Variants in ARHGAP29 observed in about 807,000 individuals in gnomAD.
The protein encoded by ARHGAP29 is rho GTPase-activating protein 29.
A neutral mutation model predicts 122.6 loss-of-function variants in ARHGAP29; 43 were observed. The observed-to-expected ratio is 0.35, with a 90% CI of 0.27 to 0.45. ARHGAP29 has a LOEUF of 0.45. Ranked by LOEUF, ARHGAP29 falls within the 20% of genes least tolerant of loss-of-function variation. The pLI, the probability that ARHGAP29 is intolerant of heterozygous loss-of-function variation, is 1.00. For missense variants in ARHGAP29, 1,303 were observed against 1,477.2 expected, an observed-to-expected ratio of 0.88 and a Z score of 1.93; for synonymous variants, 506 against 497.1, an observed-to-expected ratio of 1.02 and a Z score of -0.24.
chr1:94,209,342 A>C lies in ARHGAP29; in HGVS notation c.349T>G (p.Phe117Val). ...TTGTTTTCTTCATTAACTTCTGTGA[A>C]GTTCACAGCTGTAAGGAAAAGTTGG... ...MLTAKVKAVNFTEVNEENKND... is the reference protein window; with the variant it reads ...MLTAKVKAVNVTEVNEENKND... The change falls in exon 4 of 23, where the codon TTC becomes GTC. Residue 117 changes from phenylalanine (F) to valine (V), a missense_variant. Coordinates refer to ENST00000260526, the MANE Select transcript of ARHGAP29 (RefSeq NM_004815.4). 2 of 1,602,456 alleles carry C rather than the reference A, an allele frequency of 1.2e-6. No homozygotes were observed. Among genetic ancestry groups the C allele is most frequent in the Non-Finnish European group, 1.7e-6 (2 of 1,176,362 alleles).
intron 16 of ARHGAP29, among the ~76,000 whole-genome samples, chr1:94,186,091 A>C (rs541163762): frequency 1.0e-3 from 156 of 152,322 alleles, no homozygotes; most frequent in African/African-American, 3.7e-3. Flanking sequence ...TTCAACATCC[A>C]CAACTTCCTT....
rs775058104 is a variant in ARHGAP29, at chr1:94,184,190, T to C, written c.2208A>G (p.Ser736=). The change falls in exon 19 of 23, where the codon TCA becomes TCG. Residue 736 remains serine (S), a synonymous_variant. Transcript: ENST00000260526. ...ATTTCAAGACGTCACAGATATCATG[T>C]GAACTAAATTCTGAAATATCTACCA... ...MHLVDISEFS[S]HDICDVLKLY... 2 of 1,610,226 alleles carry C rather than the reference T, an allele frequency of 1.2e-6. No individual in the cohort carries two copies. Among genetic ancestry groups the C allele is most frequent in the South Asian group, 1.1e-5 (1 of 89,694 alleles).
In ARHGAP29 at chr1:94,194,115, T is replaced by G. The variant is rs1464973312; in HGVS notation, c.1282-4032A>C. 3 of 152,326 alleles carry G rather than the reference T, an allele frequency of 2.0e-5. No homozygotes were observed. In the East Asian group the frequency reaches 5.8e-4, roughly 29 times the overall value. 9.4% of individuals were successfully genotyped at this position (152,326 alleles called of 1,614,324 possible). On this transcript the variant is annotated intron_variant, in intron 12 of 22. Coordinates refer to ENST00000260526, the MANE Select transcript of ARHGAP29 (RefSeq NM_004815.4). The stretch of plus-strand genomic sequence containing the variant: ...GTGTATGTATAAATATAGATAAGTG[T>G]GCAACCATTTTTTTTAAACTTGGCT...
At chr1:94,305,807 T>C in the ARHGAP29 span, among the ~76,000 whole-genome samples, 1 of 152,232 alleles carries the variant, frequency 6.6e-6, no homozygotes, top group Admixed American at 6.5e-5. Flanking sequence ...AATACATTGA[T>C]GGTTCAAGTT....
chr1:94,260,521 A>G (rs186100986), intron 1 of ARHGAP29, among the ~76,000 whole-genome samples: 1 of 152,294 alleles, frequency 6.6e-6, no homozygotes, highest in East Asian at 1.9e-4. Flanking sequence ...TCAGTGTTCT[A>G]TGGAGTAATC....
At chr1:94,204,350 A>T (rs1025858647) in intron 7 of ARHGAP29, among the ~76,000 whole-genome samples, 8 of 151,814 alleles carry the variant, frequency 5.3e-5, no homozygotes, top group Admixed American at 2.6e-4. Context: ...CAACTGGGAA[A>T]CTCTTTCAGA....
intron 1 of ARHGAP29, among the ~76,000 whole-genome samples, chr1:94,234,000 CT>C (rs1277967538): frequency 6.6e-6 from 1 of 152,170 alleles, no homozygotes; most frequent in Non-Finnish European, 1.5e-5. Context: ...TCACTCTGAT[CT>C]CAGCTCAAAG....
intron 1 of ARHGAP29, among the ~76,000 whole-genome samples, chr1:94,256,975 T>C (rs925472740): frequency 2.6e-5 from 4 of 152,316 alleles, no homozygotes; most frequent in African/African-American, 9.6e-5. Context: ...AGGTTTTTTA[T>C]GCTAGACTTA....
intron 1 of ARHGAP29, among the ~76,000 whole-genome samples, chr1:94,268,530 T>G (rs943147117): frequency 2.0e-5 from 3 of 152,134 alleles, no homozygotes; most frequent in Non-Finnish European, 4.4e-5. Flanking sequence ...TCCACATGGG[T>G]AAGGGTTTTT....
intron 1 of ARHGAP29, among the ~76,000 whole-genome samples, chr1:94,247,081 T>C (rs1653832881): frequency 1.3e-5 from 2 of 152,068 alleles, no homozygotes; most frequent in African/African-American, 4.8e-5. Flanking sequence ...AAAGTAAATA[T>C]GGAACATGAG....
chr1:94,230,105 T>C (rs1194364120), intron 2 of ARHGAP29, among the ~76,000 whole-genome samples: 7 of 151,776 alleles, frequency 4.6e-5, no homozygotes, highest in Non-Finnish European at 8.9e-5. Flanking sequence ...ATCCAGTTAA[T>C]GAACTGCATA....
At chr1:94,283,496 T>G in the ARHGAP29 span, among the ~76,000 whole-genome samples, 2 of 152,344 alleles carry the variant, frequency 1.3e-5, no homozygotes, top group South Asian at 4.1e-4. Context: ...AAAATCATAT[T>G]TGATAACTCA....
intron 1 of ARHGAP29, among the ~76,000 whole-genome samples, chr1:94,274,241 G>A (rs1345853977): frequency 6.6e-6 from 1 of 152,182 alleles, no homozygotes; most frequent in Non-Finnish European, 1.5e-5. Context: ...CAACTCTGTT[G>A]TCGTATCGTG....
Position 94,231,564 on chromosome 1 carries a change from T to A in ARHGAP29, c.48A>T (p.Ala16=). 6.2e-7 allele frequency: 1 copy of A among 1,613,794 alleles called. No homozygotes were observed. The highest frequency in any genetic ancestry group is 1.3e-5 in the African/African-American group (1 of 75,050). The change falls in exon 2 of 23, where the codon GCA becomes GCT. Residue 16 remains alanine, a synonymous_variant. Transcript: ENST00000260526. The part of the protein sequence containing the change: ...QKKTKKKRAW[A]SGQLSTDITT... ...TAATATCAGTAGAGAGTTGACCTGATGCCCAAGCACGTTTTTTCTTTGTCT... is the reference window on the plus strand; with the variant it reads ...TAATATCAGTAGAGAGTTGACCTGAAGCCCAAGCACGTTTTTTCTTTGTCT...
the ARHGAP29 span, among the ~76,000 whole-genome samples, chr1:94,293,718 G>A: frequency 1.3e-5 from 2 of 152,248 alleles, no homozygotes; most frequent in Admixed American, 6.5e-5. Flanking sequence ...TGCATAGCGG[G>A]GGAGGTGTGC....
the ARHGAP29 span, among the ~76,000 whole-genome samples, chr1:94,292,249 A>G: frequency 1.3e-5 from 2 of 152,106 alleles, no homozygotes; most frequent in Non-Finnish European, 2.9e-5. Flanking sequence ...CAAATTGGCT[A>G]CTGAAGCCTG....
At chr1:94,294,266 G>GCA in the ARHGAP29 span, among the ~76,000 whole-genome samples, 9,699 of 150,050 alleles carry the variant, frequency 0.065, 1,033 homozygotes, top group African/African-American at 0.22. Context: ...ACATACATGT[G>GCA]CACACACACA....
the ARHGAP29 span, among the ~76,000 whole-genome samples, chr1:94,295,065 C>T: frequency 1.3e-5 from 2 of 152,156 alleles, no homozygotes; most frequent in African/African-American, 4.8e-5. Context: ...CCTTTCGGTT[C>T]AAGAAGAAGG....
chr1:94,290,039 T>C, the ARHGAP29 span, among the ~76,000 whole-genome samples: 28 of 152,220 alleles, frequency 1.8e-4, no homozygotes, highest in Non-Finnish European at 1.5e-5. Context: ...TCTTTTTCTA[T>C]TGATTGGAAT....
Sources: gnomAD v4.1 joint callset for allele counts (sites outside exome capture counted in the v4.1 genomes callset) on GRCh38, gnomAD v4.1.1 for gene constraint, MANE v1.5 for transcripts, NCBI Gene and HGNC (gene_info 2026-07-23, HGNC 2026-07-21) for gene names.